Variants in PHYKPL observed in about 807,000 individuals in gnomAD.
The protein encoded by PHYKPL is 5-phosphonooxy-L-lysine phospho-lyase.
Under a neutral mutation model 51.3 loss-of-function variants are expected in PHYKPL, and 42 were observed. The ratio of observed to expected loss-of-function variants is 0.82; its 90% CI spans 0.64 to 1.06. The LOEUF (loss-of-function observed/expected upper bound fraction) is 1.06, where lower values mean the gene tolerates loss of function less well. Among genes scored for constraint, PHYKPL ranks in the 50% least tolerant of loss-of-function variants. PHYKPL has a pLI of 0.00. For synonymous variants in PHYKPL, 264 were observed against 236.0 expected (o/e 1.12, Z -1.09); for missense variants, 655 against 586.6 (o/e 1.12, Z -1.20).
At chr5:178,212,817 G>T (rs1758874877) in intron 11 of PHYKPL, among the ~76,000 whole-genome samples, 156 bp downstream of exon 11, 1 of 152,220 alleles carries the variant, frequency 6.6e-6, no homozygotes, top group South Asian at 2.1e-4. Flanking sequence ...AGCAGATTGG[G>T]CCATGAAAGA....
intron 12 of PHYKPL, chr5:178,209,193 C>T (rs1349737983): frequency 2.7e-6 from 2 of 734,958 alleles, no homozygotes; most frequent in East Asian, 2.5e-5. Context: ...CCAAAGGTGG[C>T]CTCCCATACT....
intron 1 of PHYKPL, chr5:178,232,210 G>A: frequency 1.4e-5 from 17 of 1,256,886 alleles, no homozygotes; most frequent in South Asian, 2.4e-5. Flanking sequence ...GGCTGACACA[G>A]CCGAACAGCG....
At position 178,231,459 on chromosome 5, in the gene PHYKPL, T is replaced by C. The variant is rs185169984; in HGVS notation, c.124A>G (p.Met42Val). The C allele has an allele frequency of 1.9e-6, 3 of 1,614,160 alleles. No individual in the cohort carries two copies. The South Asian group carries it at 3.3e-5, about 18-fold the overall frequency. ...TATTCTGCCCCCTGTTCATCGTACA[T>C]GTACTGCCCTTGGGCCCGGACAATC... Reference protein sequence around the residue: ...VKIVRAQGQYMYDEQGAEYID... With the variant: ...VKIVRAQGQYVYDEQGAEYID... Residue 42 changes from methionine (M) to valine (V), a missense_variant, in exon 2 of 13, where the codon ATG (methionine) becomes GTG (valine). Coordinates refer to ENST00000308158, the MANE Select transcript of PHYKPL (RefSeq NM_153373.4).
intron 8 of PHYKPL, among the ~76,000 whole-genome samples, chr5:178,219,358 A>G (rs1425830342): frequency 6.6e-6 from 1 of 152,100 alleles, no homozygotes; most frequent in Non-Finnish European, 1.5e-5. Flanking sequence ...ACACACACAC[A>G]TACAAACAGA....
At chr5:178,215,925 C>T (rs1195522844) in intron 8 of PHYKPL, 1 of 153,670 alleles carries the variant, frequency 6.5e-6, no homozygotes, top group East Asian at 1.9e-4. Flanking sequence ...TGAGTGGAGA[C>T]CTGTGTTTTA....
In PHYKPL at chr5:178,232,619, G is replaced by T. The variant is rs1041555458; in HGVS notation, c.-69C>A. On this transcript the variant is annotated 5_prime_UTR_variant, in exon 1 of 13. Coordinates refer to ENST00000308158, the MANE Select transcript of PHYKPL (RefSeq NM_153373.4). The stretch of plus-strand genomic sequence containing the variant: ...TCGCCGCGCGGGCTGGGCCTCCAAG[G>T]CCCCGCTCCGGGCCCCGCCCCTGCC... The T allele has an allele frequency of 8.1e-7, 1 of 1,239,984 alleles. No homozygotes were observed. 76.8% of individuals were successfully genotyped at this position (1,239,984 alleles called of 1,614,324 possible).
intron 1 of PHYKPL, 99 bp downstream of exon 1, chr5:178,232,393 C>T (rs2127507208): frequency 7.5e-7 from 1 of 1,325,554 alleles, no homozygotes; most frequent in South Asian, 2.0e-5. Context: ...GGCTTCCTAG[C>T]CGGAGGCGCG....
At chr5:178,226,814 C>A (rs375453292) in intron 3 of PHYKPL, 1 of 152,096 alleles carries the variant, frequency 6.6e-6, no homozygotes, top group Non-Finnish European at 1.5e-5. Context: ...GCCTGACACA[C>A]CCAATGTTGT....
At chr5:178,224,356 T>C (rs547261036) in intron 6 of PHYKPL, 92 bp downstream of exon 6, 5 of 1,355,420 alleles carry the variant, frequency 3.7e-6, no homozygotes, top group Admixed American at 2.5e-5. Context: ...CGTTTGGTTT[T>C]CTCTCTGGGT....
intron 8 of PHYKPL, chr5:178,216,346 G>A (rs1295144964): frequency 6.6e-6 from 1 of 152,154 alleles, no homozygotes; most frequent in African/African-American, 2.4e-5. Flanking sequence ...TGGCTACCTT[G>A]AGCCTCTGCA....
rs1763783521 is a variant in PHYKPL at position 178,232,732 on chromosome 5, G to A, written c.-182C>T. On this transcript the variant is annotated 5_prime_UTR_variant, in exon 1 of 13. Coordinates refer to ENST00000308158, the MANE Select transcript of PHYKPL (RefSeq NM_153373.4). The stretch of plus-strand genomic sequence containing the variant: ...GGTTCATTTCTTCGCTTGCCCACTG[G>A]GCCTGGCAGCCTTCCGGCCCGTGGT... 6.4e-6 allele frequency: 4 copies of A among 623,060 alleles called. No homozygotes were observed. The highest frequency in any genetic ancestry group is 9.2e-5 in the Admixed American group (2 of 21,840). The allele number at this position is 623,060 out of a possible 1,614,324, so 38.6% of individuals were successfully genotyped here.
rs1172926516 is a variant in PHYKPL, at chr5:178,214,704, G to A, written c.1172+92C>T. 4 of 1,168,094 alleles carry A rather than the reference G, an allele frequency of 3.4e-6. No homozygotes were observed. The Admixed American group carries it at 7.1e-5, about 21-fold the overall frequency. The allele number at this position is 1,168,094 out of a possible 1,614,324, so 72.4% of individuals were successfully genotyped here. A position where few individuals can be genotyped will look rare whatever the true frequency, so the allele number is the denominator to read the frequency against. On this transcript the variant is annotated intron_variant, in intron 10 of 12. Transcript: ENST00000308158. The stretch of plus-strand genomic sequence containing the variant: ...CAAGTCTGTGGCCCAGAGTGCTGGG[G>A]GTACAGATGAGGCTCCTTTCCACTG...
intron 6 of PHYKPL, 110 bp from the exon 7 acceptor site, chr5:178,223,044 T>A (rs1297916497): frequency 5.0e-6 from 5 of 1,008,072 alleles, no homozygotes; most frequent in Non-Finnish European, 7.5e-6. Flanking sequence ...CCATCAGTGC[T>A]GCACCCCTAC....
At chr5:178,225,277 C>T in intron 4 of PHYKPL, 78 bp downstream of exon 4, 7 of 1,553,034 alleles carry the variant, frequency 4.5e-6, no homozygotes, top group Non-Finnish European at 6.2e-6. Flanking sequence ...CCTAAGGCAC[C>T]CAGAGTCAGT....
At chr5:178,225,507 C>T in intron 3 of PHYKPL, 78 bp from the exon 4 acceptor site, 2 of 1,404,176 alleles carry the variant, frequency 1.4e-6, no homozygotes, top group South Asian at 1.2e-5. Flanking sequence ...GCAGGAGGAC[C>T]CTTCCAGCAG....
intron 8 of PHYKPL, chr5:178,215,665 G>C (rs1759627818): frequency 1.9e-6 from 1 of 537,596 alleles, no homozygotes; most frequent in Admixed American, 3.7e-5. Flanking sequence ...CTGAAGTACA[G>C]TAGGAGCCCC....
chr5:178,228,282 G>A (rs1054358377), intron 3 of PHYKPL: 21 of 511,144 alleles, frequency 4.1e-5, no homozygotes, highest in Admixed American at 6.8e-5. Flanking sequence ...GGGAAGGAGT[G>A]GCTAGAGAAG....
At chr5:178,211,602 T>G (rs1581205571) in intron 12 of PHYKPL, 1 of 325,544 alleles carries the variant, frequency 3.1e-6, no homozygotes, top group Non-Finnish European at 5.7e-6. Context: ...CAACTCCAGG[T>G]CTGGTATTTA....
chr5:178,222,887 G>GATCT lies in PHYKPL; in HGVS notation c.662_665dup (p.Ile223AspfsTer26). The GATCT allele has an allele frequency of 1.2e-6, 2 of 1,614,142 alleles. No homozygotes were observed. The highest frequency in any genetic ancestry group is 1.7e-6 in the Non-Finnish European group (2 of 1,180,024). Reference sequence around the variant, plus strand: ...GGGAGAAGTAGCCAGCAGGGGGAATGATCTGCCCTCCCACACTGGGCAGAG... The same window carrying GATCT: ...GGGAGAAGTAGCCAGCAGGGGGAATGATCTATCTGCCCTCCCACACTGGGCAGAG... On this transcript the variant is annotated frameshift_variant, in exon 7 of 13. Transcript: ENST00000308158. LOFTEE classifies it high-confidence loss of function.
Sources: gnomAD v4.1 joint callset for allele counts (sites outside exome capture counted in the v4.1 genomes callset) on GRCh38, gnomAD v4.1.1 for gene constraint, MANE v1.5 for transcripts, NCBI Gene and HGNC (gene_info 2026-07-23, HGNC 2026-07-21) for gene names.